LRRC43: variants seen among roughly 807,000 people sequenced by gnomAD.
The protein encoded by LRRC43 is leucine rich repeat containing 43.
A neutral mutation model predicts 64.3 loss-of-function variants in LRRC43; 62 were observed. The observed-to-expected ratio is 0.96, with a 90% confidence interval of 0.79 to 1.19. The LOEUF (loss-of-function observed/expected upper bound fraction) is 1.19. Among genes scored for constraint, LRRC43 ranks in the 50% most tolerant of loss-of-function variants. LRRC43 has a pLI of 0.00. For synonymous variants in LRRC43, 422 were observed against 382.3 expected, an observed-to-expected ratio of 1.10 and a Z score of -1.21; for missense variants, 868 against 845.0, an observed-to-expected ratio of 1.03 and a Z score of -0.34.
In LRRC43 at chr12:122,190,164, G is replaced by A. The variant is rs751280120; in HGVS notation, c.697G>A (p.Asp233Asn). The A allele has an allele frequency of 1.1e-5, 18 of 1,614,052 alleles. No individual in the cohort carries two copies. Among genetic ancestry groups the A allele is most frequent in the Admixed American group, 1.7e-5 (1 of 60,006 alleles). ...NLVSLDLGFN[D>N]LTDLQSMVTS... ...CGTCTCCCTGGACCTGGGCTTCAAC[G>A]ACCTGACAGACCTGCAGAGCATGGT... The change falls in exon 5 of 12, where the codon GAC (aspartate) becomes AAC (asparagine). Residue 233 changes from aspartate to asparagine, a missense_variant. By Grantham distance (23) the Asp-to-Asn change is conservative. Coordinates refer to ENST00000339777, the MANE Select transcript of LRRC43 (RefSeq NM_001098519.2).
At chr12:122,174,291 C>T in intron 1 of LRRC43, 1 of 1,155,432 alleles carries the variant, frequency 8.7e-7, no homozygotes, top group South Asian at 1.3e-5. Flanking sequence ...GCGTCCCGCC[C>T]ATGGCAAAAC....
rs1333145486 is a variant in LRRC43 at position 122,183,313 on chromosome 12, G to A, written c.150+19G>A. On this transcript the variant is annotated intron_variant, in intron 1 of 11. Transcript: ENST00000339777. The stretch of plus-strand genomic sequence containing the variant: ...CAGCTGGGTGCGGGCGCCGGGGCCG[G>A]AACTCTGGGGGCCTGGACCGGCTGC... 1 of 1,476,102 alleles carries A rather than the reference G, an allele frequency of 6.8e-7. No homozygotes were observed. The highest frequency in any genetic ancestry group is 8.9e-7 in the Non-Finnish European group (1 of 1,127,108). The allele number at this position is 1,476,102 out of a possible 1,614,324, so 91.4% of individuals were successfully genotyped here.
At chr12:122,185,246 A>G (rs1784958929) in intron 2 of LRRC43, among the ~76,000 whole-genome samples, 1 of 152,160 alleles carries the variant, frequency 6.6e-6, no homozygotes, top group Non-Finnish European at 1.5e-5. Context: ...AGGCTGAGGC[A>G]GGAGGATCGT....
At chr12:122,179,969 C>CAA (rs59930172), upstream of LRRC43, among the ~76,000 whole-genome samples, 929 of 45,776 alleles carry the variant, frequency 0.02, 23 homozygotes, top group African/African-American at 0.055. Context: ...GACTCCGTCT[C>CAA]AAAAAAAAAA....
intron 3 of LRRC43, 83 bp downstream of exon 3, chr12:122,186,383 C>CA: frequency 1.2e-6 from 1 of 854,202 alleles, no homozygotes; most frequent in Non-Finnish European, 1.9e-6. Flanking sequence ...ATAGTGTGGC[C>CA]AGCATGGGTG....
Position 122,184,526 on chromosome 12 carries a change from C to G in LRRC43, c.158C>G (p.Ser53Trp), listed in dbSNP as rs749332423. ...CCTCCTCTGCCACTGCAGAATAAGT[C>G]GCGCTTTCTTCCTCAAACTTGGCGA... ...FPCGAGSWNK[S>W]RFLPQTWRTW... is the part of the protein sequence containing the mutation. The change falls in exon 2 of 12, where the codon TCG becomes TGG. Residue 53 changes from serine to tryptophan, a missense_variant. Coordinates refer to ENST00000339777, the MANE Select transcript of LRRC43 (RefSeq NM_001098519.2). The surrounding 1 kb of genome is among the most constrained non-coding windows in gnomAD (Gnocchi z 4.0). 6.2e-7 allele frequency: 1 copy of G among 1,613,144 alleles called. No homozygotes were observed. The highest frequency in any genetic ancestry group is 1.7e-5 in the Admixed American group (1 of 59,886).
intron 1 of LRRC43, among the ~76,000 whole-genome samples, chr12:122,170,354 G>A (rs1382610715): frequency 3.3e-5 from 5 of 152,074 alleles, no homozygotes; most frequent in African/African-American, 4.8e-5. Flanking sequence ...CTACGGGGCC[G>A]GGCACGGTGG....
intron 1 of LRRC43, 120 bp downstream of exon 1, chr12:122,183,414 A>C: frequency 2.6e-6 from 3 of 1,145,604 alleles, no homozygotes; most frequent in Non-Finnish European, 2.3e-6. Flanking sequence ...GGGGCCGCCG[A>C]CATGGGGGCG....
chr12:122,197,059 T>A (rs966226796), intron 7 of LRRC43, among the ~76,000 whole-genome samples: 5 of 152,136 alleles, frequency 3.3e-5, no homozygotes, highest in Non-Finnish European at 7.3e-5. Context: ...GTCATTTATC[T>A]CCTAGTGGGC....
Position 122,192,595 on chromosome 12 carries a change from T to A in LRRC43, c.1090-150T>A. 8.5e-6 allele frequency: 7 copies of A among 818,900 alleles called. No individual in the cohort carries two copies. The South Asian group carries it at 1.2e-4, about 15-fold the overall frequency. The allele number at this position is 818,900 out of a possible 1,614,324, so 50.7% of individuals were successfully genotyped here. A position where few individuals can be genotyped will look rare whatever the true frequency, so the allele number is the denominator to read the frequency against. Reference sequence around the variant, plus strand: ...CTTTCAGAAAAGACAAAAGTGGGTTTCTAAGCGCCTTCCTGCCTCCTAGCG... The same window carrying A: ...CTTTCAGAAAAGACAAAAGTGGGTTACTAAGCGCCTTCCTGCCTCCTAGCG... On this transcript the variant is annotated intron_variant, in intron 6 of 11. Transcript: ENST00000339777.
chr12:122,182,803 G>C (rs1235761006), upstream of LRRC43, among the ~76,000 whole-genome samples: 4 of 152,182 alleles, frequency 2.6e-5, no homozygotes, highest in Non-Finnish European at 5.9e-5. Context: ...GACCACCCTG[G>C]AACCCACTGG....
At chr12:122,193,379 CATA>C (rs1953742918) in intron 7 of LRRC43, among the ~76,000 whole-genome samples, 1 of 44,046 alleles carries the variant, frequency 2.3e-5, no homozygotes, top group Admixed American at 3.9e-4. Flanking sequence ...GACTCCGTCT[CATA>C]AAAAAAAAAA....
At position 122,186,051 on chromosome 12, in the gene LRRC43, G is replaced by A. The variant is rs1223407531; in HGVS notation, c.412-139G>A. 1.6e-5 allele frequency: 10 copies of A among 632,366 alleles called. No homozygotes were observed. The Admixed American group carries it at 2.0e-4, about 13-fold the overall frequency. 39.2% of individuals were successfully genotyped at this position (632,366 alleles called of 1,614,324 possible). A position where few individuals can be genotyped will look rare whatever the true frequency, so the allele number is the denominator to read the frequency against. On this transcript the variant is annotated intron_variant, in intron 2 of 11. Transcript: ENST00000339777. ...TGGCAGAGCGATGCAGTGCAGGAAC[G>A]GCTTCCGGGGAGCAGGGGGTGGGAA...
intron 6 of LRRC43, among the ~76,000 whole-genome samples, chr12:122,192,052 C>G (rs993811729): frequency 1.3e-5 from 2 of 152,158 alleles, no homozygotes; most frequent in Non-Finnish European, 2.9e-5. Flanking sequence ...ACTCCCCTTG[C>G]CCCCTTAAAA....
At chr12:122,179,170 C>T (rs1953561486), upstream of LRRC43, among the ~76,000 whole-genome samples, 1 of 152,178 alleles carries the variant, frequency 6.6e-6, no homozygotes, top group Admixed American at 6.5e-5. Context: ...TCACAGCTCA[C>T]TGCAGCCTCA....
In LRRC43 at chr12:122,200,337, A is replaced by AGGCG. The variant is rs1206236840; in HGVS notation, c.1491+9_1491+12dup. On this transcript the variant is annotated splice_region_variant and intron_variant, in intron 8 of 11. Transcript: ENST00000339777. This position sits in a 1 kb window ranked among gnomAD's most constrained non-coding sequence, Gnocchi z 4.6. ...GACCATCGTGGAGGAGAAGGTGGGC[A>AGGCG]GGCGGAGGCAGTGCCCGGCCATCCA... The AGGCG allele has an allele frequency of 6.2e-7, 1 of 1,609,166 alleles. No individual in the cohort carries two copies. The highest frequency in any genetic ancestry group is 8.5e-7 in the Non-Finnish European group (1 of 1,179,614).
chr12:122,201,180 GA>G, intron 10 of LRRC43, 115 bp from the exon 11 acceptor site: 2 of 1,140,598 alleles, frequency 1.8e-6, no homozygotes, highest in Non-Finnish European at 2.6e-6. Context: ...CTCACCAGGA[GA>G]CCCCCGCCTT....
chr12:122,184,002 A>T lies in LRRC43; in HGVS notation c.151-517A>T, dbSNP rs1953611477. ...GTGATCCACCTGCCTTTTTAAAAGG[A>T]ATGGCACCTTTTAATTATTTTGTAT... On this transcript the variant is annotated intron_variant, in intron 1 of 11. Transcript: ENST00000339777. The surrounding 1 kb of genome is among the most constrained non-coding windows in gnomAD (Gnocchi z 4.0). Among the ~76,000 whole-genome samples the T allele has an allele frequency of 6.6e-6, 1 of 152,162 alleles. No individual in the cohort carries two copies. The highest frequency in any genetic ancestry group is 2.1e-4 in the South Asian group (1 of 4,830).
In LRRC43 at chr12:122,200,307, A is replaced by T; in HGVS notation, c.1468A>T (p.Thr490Ser). The T allele has an allele frequency of 6.2e-7, 1 of 1,611,432 alleles. No homozygotes were observed. Residue 490 changes from threonine to serine, a missense_variant, in exon 8 of 12, where the codon ACC (threonine) becomes TCC (serine). Transcript: ENST00000339777. This position sits in a 1 kb window ranked among gnomAD's most constrained non-coding sequence, Gnocchi z 4.6. Reference sequence around the variant, plus strand: ...GAAGGCCTTCCTGCTGGCGGGGACCACCGTGACCATCGTGGAGGAGAAGGT... The same window carrying T: ...GAAGGCCTTCCTGCTGGCGGGGACCTCCGTGACCATCGTGGAGGAGAAGGT... ...PLKAFLLAGTTVTIVEEKILS... is the reference protein window; with the variant it reads ...PLKAFLLAGTSVTIVEEKILS...
Sources: allele counts gnomAD v4.1 joint callset (sites outside exome capture counted in the v4.1 genomes callset), GRCh38; gene constraint gnomAD v4.1.1; non-coding constraint Gnocchi (gnomAD v3.1); transcripts MANE v1.5; gene names NCBI Gene and HGNC (gene_info 2026-07-23, HGNC 2026-07-21).